The following GRIN2A variants were observed in gnomAD, a reference collection of about 807,000 sequenced individuals.
GRIN2A encodes the protein glutamate ionotropic receptor NMDA type subunit 2A, also known as glutamate receptor ionotropic, NMDA 2A.
Under a neutral mutation model 113.4 loss-of-function variants are expected in GRIN2A, and 22 were observed. The observed-to-expected ratio is 0.19, with a 90% CI of 0.14 to 0.28. The LOEUF is 0.28. Ranked by LOEUF, GRIN2A falls within the 10% of genes least tolerant of loss-of-function variation. The pLI is 1.00. For synonymous variants in GRIN2A, 827 were observed against 738.4 expected (o/e 1.12, Z -1.94); for missense variants, 1,502 against 1,887.0 (o/e 0.80, Z 3.78).
At chr16:9,898,676 C>A (rs74696271) in intron 3 of GRIN2A, among the ~76,000 whole-genome samples, 2,241 of 152,198 alleles carry the variant, frequency 0.015, 56 homozygotes, top group African/African-American at 0.051. Context: ...CCTCCTTGAA[C>A]TGCTTGGGTG....
chr16:9,861,591 G>C (rs1163329212), intron 4 of GRIN2A, among the ~76,000 whole-genome samples: 1 of 152,212 alleles, frequency 6.6e-6, no homozygotes, highest in Non-Finnish European at 1.5e-5. Flanking sequence ...GCTGTGGCTT[G>C]ATATTAGGTT....
At chr16:9,867,763 C>T (rs1250961726) in intron 4 of GRIN2A, among the ~76,000 whole-genome samples, 2 of 152,184 alleles carry the variant, frequency 1.3e-5, no homozygotes, top group African/African-American at 4.8e-5. Context: ...ATGCAAGCTT[C>T]TCCTTCTCTG....
intron 2 of GRIN2A, among the ~76,000 whole-genome samples, chr16:10,007,976 A>G (rs1034452875): frequency 6.6e-6 from 1 of 152,156 alleles, no homozygotes; most frequent in Non-Finnish European, 1.5e-5. Flanking sequence ...ATCCTCTATA[A>G]GATACAAGTA....
chr16:10,048,340 G>T (rs994148816), intron 2 of GRIN2A, among the ~76,000 whole-genome samples: 1 of 152,198 alleles, frequency 6.6e-6, no homozygotes, highest in Non-Finnish European at 1.5e-5. Flanking sequence ...AGTCTCCTTG[G>T]CAGCCAGAGT....
intron 2 of GRIN2A, among the ~76,000 whole-genome samples, chr16:10,001,127 G>C (rs771446172): frequency 2.0e-5 from 3 of 152,072 alleles, no homozygotes; most frequent in Admixed American, 6.6e-5. Context: ...TCCTTTCTTC[G>C]CCTCAGTTTC....
chr16:10,106,564 C>T (rs1007548000), intron 2 of GRIN2A, among the ~76,000 whole-genome samples: 3 of 152,092 alleles, frequency 2.0e-5, no homozygotes, highest in Admixed American at 6.6e-5. Context: ...AGATAGGGAG[C>T]GTGACTAGTT....
chr16:10,102,476 C>G (rs977949935), intron 2 of GRIN2A, among the ~76,000 whole-genome samples: 1 of 152,162 alleles, frequency 6.6e-6, no homozygotes, highest in Non-Finnish European at 1.5e-5. Context: ...GAACCGTGAG[C>G]CAATTAAACC....
chr16:9,970,815 T>C (rs143608770), intron 2 of GRIN2A: 128 of 550,646 alleles, frequency 2.3e-4, no homozygotes, highest in Non-Finnish European at 2.8e-4. Flanking sequence ...TTCCTTCCCC[T>C]GAGAAACGCA....
chr16:10,098,270 T>C, intron 2 of GRIN2A, among the ~76,000 whole-genome samples: 1 of 152,228 alleles, frequency 6.6e-6, no homozygotes. Flanking sequence ...ACTTTATTCC[T>C]GCAAGAATGG....
intron 11 of GRIN2A, among the ~76,000 whole-genome samples, chr16:9,775,313 T>C (rs895862948): frequency 3.9e-5 from 6 of 152,236 alleles, no homozygotes; most frequent in Non-Finnish European, 8.8e-5. Context: ...TTCTATTTCA[T>C]GTCTGGTCAA....
At chr16:10,038,550 C>A (rs1271616863) in intron 2 of GRIN2A, among the ~76,000 whole-genome samples, 2 of 151,884 alleles carry the variant, frequency 1.3e-5, no homozygotes. Context: ...ACAGAAAAAC[C>A]TAGATATTGC....
At position 9,849,866 on chromosome 16, in the gene GRIN2A, G is replaced by A. The variant is rs1056733011; in HGVS notation, c.1218C>T (p.Leu406=). ...FSDCEPDDNH[L]SIVTLEEAPF... is the part of the protein sequence containing the mutation. Reference sequence around the variant, plus strand: ...GGGCCTCCTCCAGGGTGACGATGCTGAGATGGTTGTCATCCGGCTCACAGT... The same window carrying A: ...GGGCCTCCTCCAGGGTGACGATGCTAAGATGGTTGTCATCCGGCTCACAGT... Residue 406 remains leucine, a synonymous_variant, in exon 5 of 13, where the codon CTC becomes CTT. Transcript: ENST00000330684. The A allele has an allele frequency of 6.2e-7, 1 of 1,613,936 alleles. No homozygotes were observed. Among genetic ancestry groups the A allele is most frequent in the Non-Finnish European group, 8.5e-7 (1 of 1,179,852 alleles).
chr16:10,180,662 C>T lies in GRIN2A; in HGVS notation c.-18-233G>A, dbSNP rs761655625. 8 of 662,950 alleles carry T rather than the reference C, an allele frequency of 1.2e-5. No homozygotes were observed. Among genetic ancestry groups the T allele is most frequent in the Non-Finnish European group, 2.0e-5 (8 of 397,170 alleles). The allele number at this position is 662,950 out of a possible 1,614,324, so 41.1% of individuals were successfully genotyped here. Reference sequence around the variant, plus strand: ...AATTCTCCATCCCCCAGCCCCTTCTCGCATCCAGCTTCCTCATCCCCTGTC... The same window carrying T: ...AATTCTCCATCCCCCAGCCCCTTCTTGCATCCAGCTTCCTCATCCCCTGTC... On this transcript the variant is annotated intron_variant, in intron 1 of 12. Transcript: ENST00000330684. The surrounding 1 kb of genome is among the most constrained non-coding windows in gnomAD (Gnocchi z 7.0).
rs542794419 is a variant in GRIN2A, at chr16:10,167,937, A to G, written c.414+12061T>C. 1.4e-4 allele frequency among the ~76,000 whole-genome samples: 21 copies of G among 152,342 alleles called. No individual in the cohort carries two copies. In the South Asian group the frequency reaches 4.1e-3, roughly 30 times the overall value. On this transcript the variant is annotated intron_variant, in intron 2 of 12. Transcript: ENST00000330684. Reference sequence around the variant, plus strand: ...TTCCAAATGCAGGAGAATACAACTGACTAAAAAGAATAATTTGTCAACTGA... The same window carrying G: ...TTCCAAATGCAGGAGAATACAACTGGCTAAAAAGAATAATTTGTCAACTGA...
chr16:9,971,423 A>G (rs1011868021), intron 2 of GRIN2A, among the ~76,000 whole-genome samples: 25 of 152,194 alleles, frequency 1.6e-4, no homozygotes, highest in Admixed American at 5.2e-4. Flanking sequence ...CATCTCATAC[A>G]TTTCAGCCCA....
chr16:9,786,282 A>G (rs1255854079), intron 11 of GRIN2A, among the ~76,000 whole-genome samples: 2 of 152,132 alleles, frequency 1.3e-5, no homozygotes, highest in Non-Finnish European at 1.5e-5. Context: ...TCTCTTAATT[A>G]CATTCTGTCC....
intron 2 of GRIN2A, among the ~76,000 whole-genome samples, chr16:9,993,989 G>A (rs2046175587): frequency 6.6e-6 from 1 of 152,282 alleles, no homozygotes; most frequent in Middle Eastern, 3.4e-3. Context: ...ATATTCTACA[G>A]GAATTGCAGA....
Position 10,040,662 on chromosome 16 carries a change from C to T in GRIN2A, c.415-102111G>A, listed in dbSNP as rs116229806. Among the ~76,000 whole-genome samples the T allele has an allele frequency of 5.7e-3, 861 of 152,018 alleles. 11 individuals carry two copies. Among genetic ancestry groups the T allele is most frequent in the African/African-American group, 0.02 (818 of 41,364 alleles). ...CATAGCATACACACACAAATACACACACACTCACATGTGCACACACAAACC... is the reference window on the plus strand; with the variant it reads ...CATAGCATACACACACAAATACACATACACTCACATGTGCACACACAAACC... On this transcript the variant is annotated intron_variant, in intron 2 of 12. Transcript: ENST00000330684.
chr16:10,036,437 CTTTTTTTTTTTCTTTTTTT>C (rs1733667328), intron 2 of GRIN2A, among the ~76,000 whole-genome samples: 2 of 92,672 alleles, frequency 2.2e-5, no homozygotes, highest in Non-Finnish European at 4.5e-5. Context: ...TTAGTACTTA[CTTTTTTTTTTTCTTTTTTT>C]TTTTTTTTTT....
Sources: gnomAD v4.1 joint callset for allele counts (sites outside exome capture counted in the v4.1 genomes callset) on GRCh38, gnomAD v4.1.1 for gene constraint, Gnocchi (gnomAD v3.1) non-coding constraint, MANE v1.5 for transcripts, NCBI Gene and HGNC (gene_info 2026-07-23, HGNC 2026-07-21) for gene names.